The following GPD1L variants were observed in gnomAD, a reference collection of about 807,000 sequenced individuals.
GPD1L encodes the protein glycerol-3-phosphate dehydrogenase 1 like.
A neutral mutation model predicts 32.9 loss-of-function variants in GPD1L; 17 were observed. That is an observed-to-expected ratio of 0.52 (90% CI 0.35 to 0.78). GPD1L has a LOEUF of 0.78. GPD1L is among the 30% of genes least tolerant of loss of function. The probability of loss-of-function intolerance (pLI) is 0.01; values close to 1 mark genes in which losing one functional copy is unlikely to be tolerated. For synonymous variants in GPD1L, 187 were observed against 165.9 expected (o/e 1.13, Z -0.98); for missense variants, 361 against 447.8 (o/e 0.81, Z 1.75).
chr3:32,121,923 A>G (rs1479548274), intron 1 of GPD1L, among the ~76,000 whole-genome samples: 1 of 151,672 alleles, frequency 6.6e-6, no homozygotes, highest in Non-Finnish European at 1.5e-5. Context: ...GGCACGCGCC[A>G]CCACGCCCGG....
intron 7 of GPD1L, among the ~76,000 whole-genome samples, chr3:32,160,760 T>C (rs1040420026): frequency 6.6e-6 from 1 of 152,180 alleles, no homozygotes; most frequent in African/African-American, 2.4e-5. Context: ...GAGTGAGCCC[T>C]GTAGCACCAG....
intron 2 of GPD1L, among the ~76,000 whole-genome samples, chr3:32,128,608 T>A (rs1049983680): frequency 6.6e-6 from 1 of 152,208 alleles, no homozygotes; most frequent in Non-Finnish European, 1.5e-5. Flanking sequence ...TTCCCTCTAA[T>A]CCTGTCTCTG....
intron 1 of GPD1L, among the ~76,000 whole-genome samples, chr3:32,117,653 T>C (rs1333257090): frequency 2.6e-5 from 4 of 152,230 alleles, no homozygotes; most frequent in African/African-American, 9.6e-5. Context: ...TATCAATAGA[T>C]GGGCTTGCAG....
chr3:32,141,121 A>G (rs1700736175), intron 4 of GPD1L, among the ~76,000 whole-genome samples: 1 of 152,338 alleles, frequency 6.6e-6, no homozygotes, highest in East Asian at 1.9e-4. Flanking sequence ...CAAACCTGCA[A>G]GCAATATGAA....
intron 7 of GPD1L, among the ~76,000 whole-genome samples, chr3:32,161,861 G>A (rs1336229227): frequency 1.3e-5 from 2 of 152,164 alleles, no homozygotes; most frequent in Non-Finnish European, 2.9e-5. Context: ...CTCCTGGGCT[G>A]GAGTGTAGAA....
intron 1 of GPD1L, among the ~76,000 whole-genome samples, chr3:32,112,756 A>G (rs1179789641): frequency 6.6e-6 from 1 of 151,854 alleles, no homozygotes; most frequent in Non-Finnish European, 1.5e-5. Flanking sequence ...CTTCCATTCT[A>G]TCTCCTTCTC....
At chr3:32,142,286 T>C (rs1007967474) in intron 4 of GPD1L, among the ~76,000 whole-genome samples, 2 of 152,092 alleles carry the variant, frequency 1.3e-5, no homozygotes, top group Non-Finnish European at 2.9e-5. Flanking sequence ...GCCCAGCTAA[T>C]TTTTGTATTT....
At chr3:32,135,820 G>A (rs1700653889) in intron 2 of GPD1L, among the ~76,000 whole-genome samples, 1 of 152,136 alleles carries the variant, frequency 6.6e-6, no homozygotes, top group African/African-American at 2.4e-5. Context: ...GTCTCCAGGT[G>A]GGAGAGGAAT....
At chr3:32,119,841 T>C (rs945879426) in intron 1 of GPD1L, among the ~76,000 whole-genome samples, 2 of 152,292 alleles carry the variant, frequency 1.3e-5, no homozygotes, top group Admixed American at 6.5e-5. Context: ...ATGTGGAGAA[T>C]CTAGCTGATG....
At chr3:32,124,292 C>G (rs1480096845) in intron 1 of GPD1L, among the ~76,000 whole-genome samples, 1 of 152,196 alleles carries the variant, frequency 6.6e-6, no homozygotes, top group African/African-American at 2.4e-5. Context: ...GTCTCAATCT[C>G]CTGACCTTGT....
intron 1 of GPD1L, among the ~76,000 whole-genome samples, chr3:32,121,521 C>CTATATATATATATTTCTATG: frequency 2.7e-5 from 1 of 37,148 alleles, no homozygotes; most frequent in South Asian, 5.4e-4. Context: ...ATATTTCTCT[C>CTATATATATATATTTCTATG]TATATATATT....
At chr3:32,162,196 CA>C (rs1701082161) in intron 7 of GPD1L, among the ~76,000 whole-genome samples, 1 of 152,146 alleles carries the variant, frequency 6.6e-6, no homozygotes, top group African/African-American at 2.4e-5. Flanking sequence ...TGGTCCCTAC[CA>C]GCTTGAGCAT....
At chr3:32,147,310 C>T (rs558718957) in intron 5 of GPD1L, among the ~76,000 whole-genome samples, 26 of 152,240 alleles carry the variant, frequency 1.7e-4, no homozygotes, top group Non-Finnish European at 2.6e-4. Flanking sequence ...CTTTTGTGTC[C>T]GGCTTCTTTG....
At chr3:32,156,066 G>A (rs757203762) in intron 5 of GPD1L, among the ~76,000 whole-genome samples, 19 of 152,084 alleles carry the variant, frequency 1.2e-4, no homozygotes, top group Non-Finnish European at 2.5e-4. Flanking sequence ...TCCTGACTCG[G>A]CAACTCACCC....
intron 5 of GPD1L, among the ~76,000 whole-genome samples, chr3:32,148,673 T>A (rs1175665381): frequency 6.6e-6 from 1 of 152,150 alleles, no homozygotes; most frequent in Non-Finnish European, 1.5e-5. Context: ...GAACACGGGT[T>A]TTAAGACTCT....
intron 4 of GPD1L, among the ~76,000 whole-genome samples, chr3:32,143,826 A>G (rs930611072): frequency 1.3e-5 from 2 of 152,178 alleles, no homozygotes; most frequent in Admixed American, 6.5e-5. Context: ...TACTAAAAAT[A>G]CAAAAATTAG....
At chr3:32,159,768 C>CA in intron 7 of GPD1L, 94 bp downstream of exon 7, 1 of 802,146 alleles carries the variant, frequency 1.2e-6, no homozygotes, top group Admixed American at 1.9e-5. Flanking sequence ...GACTATTTGA[C>CA]AAGTGCCCTT....
chr3:32,116,576 G>T (rs995925706), intron 1 of GPD1L, among the ~76,000 whole-genome samples: 1 of 152,038 alleles, frequency 6.6e-6, no homozygotes, highest in Non-Finnish European at 1.5e-5. Flanking sequence ...AGGAAAGGGT[G>T]CTGTGACCTA....
chr3:32,132,454 C>T (rs1700599357), intron 2 of GPD1L, among the ~76,000 whole-genome samples: 1 of 152,194 alleles, frequency 6.6e-6, no homozygotes, highest in Non-Finnish European at 1.5e-5. Context: ...TAATCATTTA[C>T]ATTTGGATAC....
Sources: gnomAD v4.1 joint callset for allele counts (sites outside exome capture counted in the v4.1 genomes callset) on GRCh38, gnomAD v4.1.1 for gene constraint, MANE v1.5 for transcripts, NCBI Gene and HGNC (gene_info 2026-07-23, HGNC 2026-07-21) for gene names.